STOX2: variants seen among roughly 807,000 people sequenced by gnomAD.
STOX2 encodes storkhead box 2.
Under a neutral mutation model 60.9 loss-of-function variants are expected in STOX2, and 28 were observed. The ratio of observed to expected loss-of-function variants is 0.46; its 90% CI spans 0.34 to 0.63. STOX2 has a LOEUF of 0.63. Among genes scored for constraint, STOX2 ranks in the 30% least tolerant of loss-of-function variants. The probability of loss-of-function intolerance (pLI) is 0.01; values close to 1 mark genes in which losing one functional copy is unlikely to be tolerated. For synonymous variants in STOX2, 472 were observed against 463.9 expected (o/e 1.02, Z -0.22); for missense variants, 1,024 against 1,187.7 (o/e 0.86, Z 2.03).
chr4:183,911,384 C>T (rs1741778268), intron 1 of STOX2, among the ~76,000 whole-genome samples: 1 of 152,164 alleles, frequency 6.6e-6, no homozygotes, highest in Non-Finnish European at 1.5e-5. Flanking sequence ...CGTCCTGTCA[C>T]GTCCCTTTCC....
chr4:184,000,400 A>G (rs1733534800), intron 1 of STOX2, among the ~76,000 whole-genome samples: 1 of 152,090 alleles, frequency 6.6e-6, no homozygotes, highest in South Asian at 2.1e-4. Flanking sequence ...AGGAGGCCAC[A>G]TTCTCTGAGG....
At chr4:183,875,207 G>A (rs1740801821) in intron 1 of STOX2, among the ~76,000 whole-genome samples, 1 of 151,722 alleles carries the variant, frequency 6.6e-6, no homozygotes, top group Non-Finnish European at 1.5e-5. Context: ...GATGGGGACT[G>A]TGGAGAAACT....
intron 1 of STOX2, among the ~76,000 whole-genome samples, chr4:183,820,023 GTTC>G (rs1211693448): frequency 1.3e-5 from 2 of 152,310 alleles, no homozygotes; most frequent in South Asian, 2.1e-4. Context: ...TTAGTTCATA[GTTC>G]TTCTTTTACT....
At chr4:183,991,004 T>A (rs770617978) in intron 1 of STOX2, among the ~76,000 whole-genome samples, 16 of 152,154 alleles carry the variant, frequency 1.1e-4, no homozygotes, top group Non-Finnish European at 2.2e-4. Flanking sequence ...ACTCCTGGTG[T>A]CACTGATTTT....
intron 1 of STOX2, among the ~76,000 whole-genome samples, chr4:183,951,117 G>T (rs1190504818): frequency 6.6e-6 from 1 of 150,864 alleles, no homozygotes; most frequent in African/African-American, 2.4e-5. Flanking sequence ...TCGGGAGGCT[G>T]AGGCAGGAGA....
chr4:183,978,021 G>A (rs1431717879), intron 1 of STOX2, among the ~76,000 whole-genome samples: 1 of 152,116 alleles, frequency 6.6e-6, no homozygotes, highest in Non-Finnish European at 1.5e-5. Flanking sequence ...TGCATAGTTT[G>A]CAAATATTTT....
At chr4:183,803,351 C>T (rs1202574187) in intron 1 of STOX2, among the ~76,000 whole-genome samples, 1 of 152,016 alleles carries the variant, frequency 6.6e-6, no homozygotes, top group Non-Finnish European at 1.5e-5. Context: ...GCTGAGATTA[C>T]AGATGTTAGC....
chr4:183,813,721 A>G (rs574494984), intron 1 of STOX2, among the ~76,000 whole-genome samples: 12 of 152,328 alleles, frequency 7.9e-5, no homozygotes, highest in African/African-American at 1.4e-4. Context: ...ATGTGGATCT[A>G]TAAGTATTAC....
chr4:183,847,502 G>A (rs576027615), intron 1 of STOX2, among the ~76,000 whole-genome samples: 61 of 152,202 alleles, frequency 4.0e-4, no homozygotes, highest in African/African-American at 1.3e-3. Context: ...AGAACATATT[G>A]CCTTTTCTAT....
At chr4:183,933,252 G>A (rs1035665332) in intron 1 of STOX2, among the ~76,000 whole-genome samples, 7 of 152,320 alleles carry the variant, frequency 4.6e-5, no homozygotes, top group African/African-American at 4.8e-5. Flanking sequence ...TATATTTTAA[G>A]TGATACCGAT....
chr4:183,954,021 A>G (rs1192720256), intron 1 of STOX2, among the ~76,000 whole-genome samples: 6 of 152,176 alleles, frequency 3.9e-5, no homozygotes, highest in African/African-American at 1.4e-4. Context: ...TGGGCCTCTA[A>G]TTCTCATTGA....
At chr4:183,816,086 C>T (rs188903351) in intron 1 of STOX2, among the ~76,000 whole-genome samples, 3 of 152,236 alleles carry the variant, frequency 2.0e-5, no homozygotes, top group African/African-American at 4.8e-5. Flanking sequence ...AAAACCAAAT[C>T]GATTCGTAAG....
chr4:183,878,348 T>C (rs996436255), intron 1 of STOX2, among the ~76,000 whole-genome samples: 6 of 152,190 alleles, frequency 3.9e-5, no homozygotes, highest in African/African-American at 7.2e-5. Flanking sequence ...TTATGTTTTG[T>C]TTTTTGGTGT....
At chr4:183,932,314 C>T (rs571384116) in intron 1 of STOX2, among the ~76,000 whole-genome samples, 1 of 54,250 alleles carries the variant, frequency 1.8e-5, no homozygotes, top group Non-Finnish European at 5.3e-5. Context: ...TGTATACATA[C>T]AGTATATGTA....
rs1560840511 is a variant in STOX2 at position 183,841,178 on chromosome 4, A to ATTAT, written c.364+43123_364+43124insTTAT. ...CCACGCCCGGTTCAGTTTTCATCGT[A>ATTAT]GTATTTATTTATTTATTTATTTATT... On this transcript the variant is annotated intron_variant, in intron 1 of 2. Coordinates refer to the STOX2 transcript ENST00000513034. Among the ~76,000 whole-genome samples, 3 of 137,508 alleles carry ATTAT rather than the reference A, an allele frequency of 2.2e-5. No individual in the cohort carries two copies. In the East Asian group the frequency reaches 7.4e-4, roughly 34 times the overall value. 90.2% of individuals were successfully genotyped at this position (137,508 alleles called of 152,430 possible). A position where few individuals can be genotyped will look rare whatever the true frequency, so the allele number is the denominator to read the frequency against.
Position 183,859,906 on chromosome 4 carries a change from G to A in STOX2, c.364+61851G>A, listed in dbSNP as rs186168400. On this transcript the variant is annotated intron_variant, in intron 1 of 2. Coordinates refer to the STOX2 transcript ENST00000513034. ...ATTAGGATTTGTTCATGTCAGTTGCGTTTACTGACAGATTAGATTAGATTA... is the reference window on the plus strand; with the variant it reads ...ATTAGGATTTGTTCATGTCAGTTGCATTTACTGACAGATTAGATTAGATTA... 7.1e-5 allele frequency among the ~76,000 whole-genome samples: 9 copies of A among 127,468 alleles called. 1 individual carries two copies. The East Asian group carries it at 1.6e-3, about 23-fold the overall frequency. The allele number at this position is 127,468 out of a possible 152,430, so 83.6% of individuals were successfully genotyped here. A position where few individuals can be genotyped will look rare whatever the true frequency, so the allele number is the denominator to read the frequency against.
chr4:183,825,032 T>A lies in STOX2; in HGVS notation c.364+26977T>A, dbSNP rs1739389502. On this transcript the variant is annotated intron_variant, in intron 1 of 2. Transcript: ENST00000513034. This position sits in a 1 kb window ranked among gnomAD's most constrained non-coding sequence, Gnocchi z 4.1. ...ATGTCCCCTATCTCCTCACACAATC[T>A]TGGGCTTGGGGATCGGGGAGGAACA... Among the ~76,000 whole-genome samples, 1 of 152,154 alleles carries A rather than the reference T, an allele frequency of 6.6e-6. No homozygotes were observed. The highest frequency in any genetic ancestry group is 1.9e-4 in the East Asian group (1 of 5,190).
chr4:183,976,605 A>T (rs1732459223), intron 1 of STOX2, among the ~76,000 whole-genome samples: 1 of 152,166 alleles, frequency 6.6e-6, no homozygotes, highest in South Asian at 2.1e-4. Context: ...CCTGTGGGGT[A>T]CTATGCTCAC....
chr4:183,885,366 G>T (rs1050932901), intron 1 of STOX2, among the ~76,000 whole-genome samples: 1 of 152,214 alleles, frequency 6.6e-6, no homozygotes, highest in African/African-American at 2.4e-5. Flanking sequence ...TAGCTGATCA[G>T]TCCGAGAGCG....
Sources: allele counts gnomAD v4.1 joint callset (sites outside exome capture counted in the v4.1 genomes callset), GRCh38; gene constraint gnomAD v4.1.1; non-coding constraint Gnocchi (gnomAD v3.1); transcripts MANE v1.5; gene names NCBI Gene and HGNC (gene_info 2026-07-23, HGNC 2026-07-21).